Variants in TMEM131L observed in about 807,000 individuals in gnomAD.
The protein encoded by TMEM131L is transmembrane 131 like.
TMEM131L carries 54 observed loss-of-function variants against 192.2 expected under a neutral mutation model. The observed-to-expected ratio is 0.28, with a 90% CI of 0.23 to 0.35. TMEM131L has a LOEUF of 0.35. Among genes scored for constraint, TMEM131L ranks in the 10% least tolerant of loss-of-function variants. The pLI, the probability that TMEM131L is intolerant of heterozygous loss-of-function variation, is 1.00. For missense variants in TMEM131L, 1,888 were observed against 1,972.9 expected (o/e 0.96, Z 0.82); for synonymous variants, 701 against 704.9 (o/e 0.99, Z 0.09).
chr4:153,635,371 G>A (rs1217601289), intron 33 of TMEM131L, 61 bp from the exon 34 acceptor site: 5 of 1,525,338 alleles, frequency 3.3e-6, no homozygotes, highest in South Asian at 2.3e-5. Flanking sequence ...TTGCCTGAGA[G>A]TGAGAATTCA....
intron 3 of TMEM131L, among the ~76,000 whole-genome samples, chr4:153,490,796 A>C (rs1732719202): frequency 6.6e-6 from 1 of 152,026 alleles, no homozygotes; most frequent in African/African-American, 2.4e-5. Context: ...TCTACTAAAA[A>C]TAAAAATATT....
chr4:153,520,957 G>GT (rs1181594844), intron 3 of TMEM131L, among the ~76,000 whole-genome samples: 1 of 152,194 alleles, frequency 6.6e-6, no homozygotes, highest in Non-Finnish European at 1.5e-5. Context: ...GCTGTTCAGT[G>GT]TGTCTGCATT....
chr4:153,488,115 G>T (rs987913330), intron 3 of TMEM131L, among the ~76,000 whole-genome samples: 4 of 151,342 alleles, frequency 2.6e-5, no homozygotes, highest in Non-Finnish European at 4.4e-5. Flanking sequence ...GTGTGTGTGT[G>T]TGAGAGAGAG....
chr4:153,597,469 C>T (rs1731523590), intron 20 of TMEM131L, among the ~76,000 whole-genome samples: 1 of 151,860 alleles, frequency 6.6e-6, no homozygotes, highest in Admixed American at 6.6e-5. Context: ...CATCTATTGC[C>T]CCAGCACTTA....
At chr4:153,576,782 G>T (rs1376763610) in intron 7 of TMEM131L, among the ~76,000 whole-genome samples, 3 of 151,498 alleles carry the variant, frequency 2.0e-5, no homozygotes, top group African/African-American at 7.3e-5. Context: ...ACACTGTTAG[G>T]TTTTTATTCT....
intron 3 of TMEM131L, among the ~76,000 whole-genome samples, chr4:153,511,831 C>T (rs576053329): frequency 2.3e-4 from 35 of 152,116 alleles, no homozygotes; most frequent in African/African-American, 8.2e-4. Context: ...TTAAGATACT[C>T]GTTTCCAATA....
intron 7 of TMEM131L, among the ~76,000 whole-genome samples, chr4:153,561,027 A>G (rs1728811996): frequency 6.6e-6 from 1 of 152,222 alleles, no homozygotes; most frequent in African/African-American, 2.4e-5. Flanking sequence ...AGTCTTCTAC[A>G]ACTTTGCCAA....
At chr4:153,487,766 GTA>G (rs1732454378) in intron 3 of TMEM131L, among the ~76,000 whole-genome samples, 1 of 149,964 alleles carries the variant, frequency 6.7e-6, no homozygotes. Flanking sequence ...TGGCTGAGCT[GTA>G]TGTGTGTGTG....
At chr4:153,496,074 G>A (rs746804353) in intron 3 of TMEM131L, among the ~76,000 whole-genome samples, 1 of 152,128 alleles carries the variant, frequency 6.6e-6, no homozygotes, top group Non-Finnish European at 1.5e-5. Context: ...TCTCGAGGGC[G>A]GCGAGACCTG....
intron 3 of TMEM131L, among the ~76,000 whole-genome samples, chr4:153,533,773 C>T (rs1561166704): frequency 6.6e-6 from 1 of 152,104 alleles, no homozygotes. Flanking sequence ...TTAGTAGGAT[C>T]CTATGTTTTT....
At chr4:153,590,162 TC>T (rs1730970563) in intron 16 of TMEM131L, among the ~76,000 whole-genome samples, 1 of 152,238 alleles carries the variant, frequency 6.6e-6, no homozygotes, top group African/African-American at 2.4e-5. Context: ...CATTTGGTTG[TC>T]TTGTTTTCTT....
Position 153,603,463 on chromosome 4 carries a change from T to C in TMEM131L, c.2789+11T>C. The C allele has an allele frequency of 6.2e-7, 1 of 1,611,010 alleles. No individual in the cohort carries two copies. The highest frequency in any genetic ancestry group is 8.5e-7 in the Non-Finnish European group (1 of 1,178,654). The stretch of plus-strand genomic sequence containing the variant: ...CCCCCATTCTTACAAGTAAGAATTC[T>C]TATAGTGTGGTTGGGAGCGGGGGCG... On this transcript the variant is annotated intron_variant, in intron 24 of 34. Transcript: ENST00000409959.
chr4:153,563,373 G>C lies in TMEM131L; in HGVS notation c.660+5005G>C, dbSNP rs1728968679. Among the ~76,000 whole-genome samples the C allele has an allele frequency of 2.0e-5, 3 of 148,696 alleles. No homozygotes were observed. The Admixed American group carries it at 2.0e-4, about 10-fold the overall frequency. ...AATTTGGGTTGCCAGAATAATCTCA[G>C]AAGGTAACTGATCTTTTGCTGCTGC... On this transcript the variant is annotated intron_variant, in intron 7 of 34. Coordinates refer to ENST00000409959, the MANE Select transcript of TMEM131L (RefSeq NM_001131007.2).
intron 3 of TMEM131L, among the ~76,000 whole-genome samples, chr4:153,548,677 G>C (rs1737379145): frequency 6.6e-6 from 1 of 152,168 alleles, no homozygotes; most frequent in African/African-American, 2.4e-5. Flanking sequence ...AATGGAGAGA[G>C]GATAGAGAAA....
intron 7 of TMEM131L, among the ~76,000 whole-genome samples, chr4:153,577,836 G>A (rs772818347): frequency 1.2e-4 from 18 of 152,178 alleles, no homozygotes; most frequent in Admixed American, 3.3e-4. Context: ...CTAAGATGAG[G>A]CACACAGCAA....
At chr4:153,488,861 C>A (rs1732557563) in intron 3 of TMEM131L, among the ~76,000 whole-genome samples, 1 of 152,176 alleles carries the variant, frequency 6.6e-6, no homozygotes, top group Non-Finnish European at 1.5e-5. Context: ...CGCCGGCAGC[C>A]TGTGGGGTTT....
At position 153,593,856 on chromosome 4, in the gene TMEM131L, A is replaced by T; in HGVS notation, c.1980A>T (p.Glu660Asp). 1 of 1,612,622 alleles carries T rather than the reference A, an allele frequency of 6.2e-7. No homozygotes were observed. The highest frequency in any genetic ancestry group is 8.5e-7 in the Non-Finnish European group (1 of 1,178,618). The change falls in exon 19 of 35, where the codon GAA (glutamate) becomes GAT (aspartate). Residue 660 changes from glutamate (E) to aspartate (D), a missense_variant. Coordinates refer to ENST00000409959, the MANE Select transcript of TMEM131L (RefSeq NM_001131007.2). ...NFTTGEFQLT[E>D]ACPYLGTHSE... ...CAACTGGTGAATTCCAGCTCACCGA[A>T]GCTTGCCCTTACCTGGTAGGATGTT...
Position 153,467,272 on chromosome 4 carries a change from G to A in TMEM131L, c.186G>A (p.Leu62=). The change falls in exon 2 of 35, where the codon CTG becomes CTA. Residue 62 remains leucine (L), a synonymous_variant. Coordinates refer to ENST00000409959, the MANE Select transcript of TMEM131L (RefSeq NM_001131007.2). ...AGGCAGAAGAAGGGGAACTCCTGCT[G>A]CCCACTCAGGTGAGGACGACCAGGT... is the stretch of plus-strand genomic sequence containing the variant. ...LWQAEEGELL[L]PTQGDSEEGL... is the part of the protein sequence containing the mutation. 6.4e-7 allele frequency: 1 copy of A among 1,551,622 alleles called. No individual in the cohort carries two copies. Among genetic ancestry groups the A allele is most frequent in the African/African-American group, 1.4e-5 (1 of 73,180 alleles).
intron 3 of TMEM131L, among the ~76,000 whole-genome samples, chr4:153,506,312 T>A (rs1733980265): frequency 6.6e-6 from 1 of 152,206 alleles, no homozygotes; most frequent in Admixed American, 6.5e-5. Context: ...AATTTGACTG[T>A]CATCACATTT....
Sources: allele counts gnomAD v4.1 joint callset (sites outside exome capture counted in the v4.1 genomes callset), GRCh38; gene constraint gnomAD v4.1.1; transcripts MANE v1.5; gene names NCBI Gene and HGNC (gene_info 2026-07-23, HGNC 2026-07-21).